FRAS1: variants seen among roughly 807,000 people sequenced by gnomAD.
FRAS1 encodes the protein extracellular matrix organizing protein FRAS1.
FRAS1 carries 290 observed loss-of-function variants against 435.2 expected under a neutral mutation model. The observed-to-expected ratio is 0.67, with a 90% confidence interval of 0.61 to 0.73. FRAS1 has a LOEUF of 0.73. Ranked by LOEUF, FRAS1 falls within the 30% of genes least tolerant of loss-of-function variation. FRAS1 has a pLI of 0.00. For missense variants in FRAS1, 4,860 were observed against 5,001.5 expected, an observed-to-expected ratio of 0.97 and a Z score of 0.85; for synonymous variants, 1,800 against 1,851.0, an observed-to-expected ratio of 0.97 and a Z score of 0.71.
chr4:78,325,229 A>G (rs1729671841), intron 18 of FRAS1, among the ~76,000 whole-genome samples: 1 of 152,212 alleles, frequency 6.6e-6, no homozygotes. Flanking sequence ...GCAAAATTGC[A>G]CAAAATTGCT....
At chr4:78,194,960 T>C (rs1722733868) in intron 2 of FRAS1, among the ~76,000 whole-genome samples, 1 of 152,216 alleles carries the variant, frequency 6.6e-6, no homozygotes. Flanking sequence ...CGTGTGGATG[T>C]CCTTTCTGTT....
intron 15 of FRAS1, among the ~76,000 whole-genome samples, chr4:78,311,772 C>G (rs895883295): frequency 6.6e-6 from 1 of 152,208 alleles, no homozygotes; most frequent in African/African-American, 2.4e-5. Flanking sequence ...TGTAAAGAGT[C>G]AACCCATTAA....
intron 6 of FRAS1, among the ~76,000 whole-genome samples, chr4:78,260,533 T>A (rs1401018158): frequency 3.3e-5 from 5 of 151,498 alleles, no homozygotes; most frequent in African/African-American, 1.2e-4. Context: ...AGAATGCTTG[T>A]GATTTTTGTA....
At position 78,255,186 on chromosome 4, in the gene FRAS1, C is replaced by A. The variant is rs931235195; in HGVS notation, c.470-56C>A. ...ACTGGCTGCACGCCCATGCAGTCAG[C>A]CCTGGGATCAACAAATGCCATCCCC... On this transcript the variant is annotated intron_variant, in intron 5 of 73. Transcript: ENST00000512123. 120 of 1,540,650 alleles carry A rather than the reference C, an allele frequency of 7.8e-5. 1 individual carries two copies. Among genetic ancestry groups the A allele is most frequent in the Admixed American group, 3.9e-4 (20 of 50,946 alleles).
chr4:78,470,662 T>C (rs1719674047), intron 51 of FRAS1, among the ~76,000 whole-genome samples: 1 of 152,202 alleles, frequency 6.6e-6, no homozygotes, highest in South Asian at 2.1e-4. Flanking sequence ...GTATTATAAG[T>C]AATCTTGACT....
intron 29 of FRAS1, among the ~76,000 whole-genome samples, chr4:78,391,977 G>A (rs1190295713): frequency 1.3e-5 from 2 of 148,364 alleles, no homozygotes; most frequent in African/African-American, 2.6e-5. Context: ...CATATATGAG[G>A]GTTTCACCTT....
Position 78,539,310 on chromosome 4 carries a change from A to C in FRAS1, c.11315A>C (p.Glu3772Ala). The change falls in exon 73 of 74, where the codon GAG (glutamate) becomes GCG (alanine). Residue 3772 changes from glutamate (E) to alanine (A), a missense_variant. Glu to Ala is a moderately radical substitution (Grantham distance 107). Coordinates refer to ENST00000512123, the MANE Select transcript of FRAS1 (RefSeq NM_025074.7). ...AAATCCTAGGACCGCAATCAGCCAGAGGTAACTGATAAGTACTTCCATGAT... is the reference window on the plus strand; with the variant it reads ...AAATCCTAGGACCGCAATCAGCCAGCGGTAACTGATAAGTACTTCCATGAT... ...RFLLLDRNQP[E>A]VTDKYFHDVP... The C allele has an allele frequency of 6.2e-7, 1 of 1,608,494 alleles. No homozygotes were observed. The highest frequency in any genetic ancestry group is 1.3e-5 in the African/African-American group (1 of 74,692).
At chr4:78,345,581 A>T in intron 20 of FRAS1, among the ~76,000 whole-genome samples, 3 of 144,046 alleles carry the variant, frequency 2.1e-5, no homozygotes, top group Admixed American at 6.8e-5. Context: ...TTGCTTCTTT[A>T]TTTTCCTTAT....
chr4:78,541,139 G>A lies in FRAS1; in HGVS notation c.*15G>A. ...CAGAAGTTTAATGGAGGAGACCTAT[G>A]TGTATTTTTTTCTAAAATCATTTTT... On this transcript the variant is annotated 3_prime_UTR_variant, in exon 74 of 74. Coordinates refer to ENST00000512123, the MANE Select transcript of FRAS1 (RefSeq NM_025074.7). 1 of 1,307,654 alleles carries A rather than the reference G, an allele frequency of 7.6e-7. No individual in the cohort carries two copies. The highest frequency in any genetic ancestry group is 9.9e-7 in the Non-Finnish European group (1 of 1,008,274). 81.0% of individuals were successfully genotyped at this position (1,307,654 alleles called of 1,614,324 possible). A position where few individuals can be genotyped will look rare whatever the true frequency, so the allele number is the denominator to read the frequency against.
chr4:78,391,702 C>T (rs554684226), intron 29 of FRAS1, among the ~76,000 whole-genome samples: 2 of 152,148 alleles, frequency 1.3e-5, no homozygotes, highest in South Asian at 4.2e-4. Context: ...GTCAAAAGTC[C>T]CCAAGTGTCA....
chr4:78,452,784 T>G (rs1719065001), intron 47 of FRAS1, among the ~76,000 whole-genome samples: 1 of 152,212 alleles, frequency 6.6e-6, no homozygotes, highest in Non-Finnish European at 1.5e-5. Context: ...TGAAGATGAT[T>G]GAGATACAGT....
At chr4:78,151,204 A>T (rs1720645117) in intron 2 of FRAS1, among the ~76,000 whole-genome samples, 1 of 152,182 alleles carries the variant, frequency 6.6e-6, no homozygotes, top group Non-Finnish European at 1.5e-5. Context: ...AATGAAATGT[A>T]TGTTGGTCAA....
At chr4:78,221,450 T>C (rs545947088) in intron 2 of FRAS1, among the ~76,000 whole-genome samples, 1 of 152,364 alleles carries the variant, frequency 6.6e-6, no homozygotes, top group Middle Eastern at 3.4e-3. Flanking sequence ...AATTTGCATA[T>C]GTTCTGTCTT....
At chr4:78,533,585 G>A (rs917414412) in intron 70 of FRAS1, among the ~76,000 whole-genome samples, 7 of 152,368 alleles carry the variant, frequency 4.6e-5, no homozygotes, top group Admixed American at 4.6e-4. Context: ...ACTGGCTCAT[G>A]CGTTGCATGA....
In FRAS1 at chr4:78,446,831, C is replaced by T. The variant is rs755192971; in HGVS notation, c.5961C>T (p.Asp1987=). Reference sequence around the variant, plus strand: ...CTTCTTTGAGCCTGCAAGACCTGGACACCCCAGATAATGAGCTCATTTTTG... The same window carrying T: ...CTTCTTTGAGCCTGCAAGACCTGGATACCCCAGATAATGAGCTCATTTTTG... The part of the protein sequence containing the change: ...SNSSLSLQDL[D]TPDNELIFVL... Residue 1987 remains aspartate (D), a synonymous_variant, in exon 43 of 74, where the codon GAC becomes GAT. Transcript: ENST00000512123. 5.1e-5 allele frequency: 83 copies of T among 1,612,406 alleles called. No individual in the cohort carries two copies. The highest frequency in any genetic ancestry group is 6.6e-5 in the Non-Finnish European group (78 of 1,179,356).
intron 2 of FRAS1, chr4:78,181,891 C>G: frequency 1.2e-6 from 2 of 1,611,534 alleles, no homozygotes; most frequent in Non-Finnish European, 1.7e-6. Flanking sequence ...GAGCTGCGCT[C>G]TTGGCCCCAG....
chr4:78,105,126 C>A (rs1371591580), intron 2 of FRAS1, among the ~76,000 whole-genome samples: 6 of 152,172 alleles, frequency 3.9e-5, no homozygotes, highest in Non-Finnish European at 8.8e-5. Flanking sequence ...GTGGATATGC[C>A]CACCAGTCTG....
At position 78,220,657 on chromosome 4, in the gene FRAS1, A is replaced by G. The variant is rs142660396; in HGVS notation, c.109-16853A>G. On this transcript the variant is annotated intron_variant, in intron 2 of 73. Coordinates refer to ENST00000512123, the MANE Select transcript of FRAS1 (RefSeq NM_025074.7). ...ATAATCTAATTTCATTAATAGAACAATCAAAGCAACAAAATATTACAGTCC... is the reference window on the plus strand; with the variant it reads ...ATAATCTAATTTCATTAATAGAACAGTCAAAGCAACAAAATATTACAGTCC... Among the ~76,000 whole-genome samples the G allele has an allele frequency of 6.5e-3, 991 of 152,340 alleles. 6 individuals are homozygous for G. The highest frequency in any genetic ancestry group is 9.4e-3 in the Non-Finnish European group (640 of 68,036).
Position 78,452,365 on chromosome 4 carries a change from C to G in FRAS1, c.6763+11C>G. Reference sequence around the variant, plus strand: ...ATGCAGCATCACCAGGTAAGTCTATCATCTCTTGATTTACTGAATCAAAAC... The same window carrying G: ...ATGCAGCATCACCAGGTAAGTCTATGATCTCTTGATTTACTGAATCAAAAC... On this transcript the variant is annotated intron_variant, in intron 47 of 73. Transcript: ENST00000512123. 1 of 1,586,804 alleles carries G rather than the reference C, an allele frequency of 6.3e-7. No individual in the cohort carries two copies. Among genetic ancestry groups the G allele is most frequent in the Middle Eastern group, 1.7e-4 (1 of 5,942 alleles).
Sources: gnomAD v4.1 joint callset for allele counts (sites outside exome capture counted in the v4.1 genomes callset) on GRCh38, gnomAD v4.1.1 for gene constraint, MANE v1.5 for transcripts, NCBI Gene and HGNC (gene_info 2026-07-23, HGNC 2026-07-21) for gene names.